USP4: variants seen among roughly 807,000 people sequenced by gnomAD.
USP4 encodes the protein ubiquitin specific peptidase 4.
A neutral mutation model predicts 118.2 loss-of-function variants in USP4; 72 were observed. The ratio of observed to expected loss-of-function variants is 0.61; its 90% CI spans 0.50 to 0.74. The LOEUF (loss-of-function observed/expected upper bound fraction) is 0.74, where lower values mean the gene tolerates loss of function less well. USP4 is among the 30% of genes least tolerant of loss of function. The pLI, the probability that USP4 is intolerant of heterozygous loss-of-function variation, is 0.00. For missense variants in USP4, 1,037 were observed against 1,185.7 expected (o/e 0.87, Z 1.84); for synonymous variants, 415 against 440.4 (o/e 0.94, Z 0.72).
intron 14 of USP4, 48 bp downstream of exon 14, chr3:49,294,359 G>A (rs760447121): frequency 4.5e-6 from 7 of 1,570,674 alleles, no homozygotes; most frequent in Non-Finnish European, 5.2e-6. Flanking sequence ...CTATTACTGG[G>A]TATATCTTCA....
chr3:49,294,414 G>A lies in USP4; in HGVS notation c.1876C>T (p.Arg626Cys), dbSNP rs61761587. 10 of 1,611,768 alleles carry A rather than the reference G, an allele frequency of 6.2e-6. No individual in the cohort carries two copies. In the African/African-American group the frequency reaches 8.0e-5, roughly 13 times the overall value. Reference sequence around the variant, plus strand: ...CACATTCCTGCCACCAACCTGATACGATCACAAACAGCCTGGTACAAAGAC... The same window carrying A: ...CACATTCCTGCCACCAACCTGATACAATCACAAACAGCCTGGTACAAAGAC... The part of the protein sequence containing the change: ...LESLYQAVCD[R>C]ISRYVKQPLP... The change falls in exon 14 of 22, where the codon CGT becomes TGT. Residue 626 changes from arginine to cysteine, a missense_variant. Around this residue, in one of 3 missense-constraint regions of USP4, gnomAD observed 522 missense variants for 592.6 expected, o/e 0.88. Coordinates refer to ENST00000265560, the MANE Select transcript of USP4 (RefSeq NM_003363.4).
chr3:49,317,506 ACT>A (rs1263997175), intron 6 of USP4: 1 of 544,144 alleles, frequency 1.8e-6, no homozygotes, highest in African/African-American at 2.4e-5. Context: ...ATGGAGTTTC[ACT>A]CTTTTTTTGT....
chr3:49,303,750 A>G (rs958142346), intron 9 of USP4, among the ~76,000 whole-genome samples: 3 of 151,776 alleles, frequency 2.0e-5, no homozygotes, highest in African/African-American at 7.3e-5. Flanking sequence ...TTGCCACCCA[A>G]TTCTTTTTTA....
intron 2 of USP4, among the ~76,000 whole-genome samples, chr3:49,331,181 G>A (rs1470686688): frequency 4.7e-5 from 7 of 150,296 alleles, no homozygotes; most frequent in Non-Finnish European, 7.4e-5. Context: ...TTAGCTGGGC[G>A]TGGTGGCGCA....
intron 2 of USP4, among the ~76,000 whole-genome samples, chr3:49,331,788 A>G (rs906660519): frequency 5.3e-5 from 8 of 152,064 alleles, no homozygotes; most frequent in South Asian, 4.1e-4. Flanking sequence ...GCTTCAAACT[A>G]AAGTCACCAT....
chr3:49,313,482 C>T (rs2047407098), intron 6 of USP4, among the ~76,000 whole-genome samples: 1 of 151,804 alleles, frequency 6.6e-6, no homozygotes, highest in African/African-American at 2.4e-5. Context: ...GGGCCGAGAT[C>T]GTGCCATTGC....
intron 6 of USP4, among the ~76,000 whole-genome samples, chr3:49,319,952 C>T (rs1449814943): frequency 6.6e-6 from 1 of 152,042 alleles, no homozygotes; most frequent in Admixed American, 6.6e-5. Flanking sequence ...AGCTCTTGCT[C>T]TGTCACCCAG....
At chr3:49,335,344 A>G in intron 2 of USP4, 125 bp downstream of exon 2, 2 of 1,346,350 alleles carry the variant, frequency 1.5e-6, no homozygotes, top group Middle Eastern at 1.8e-4. Flanking sequence ...TATAGATGCA[A>G]AATGAGGATA....
intron 9 of USP4, among the ~76,000 whole-genome samples, chr3:49,302,794 G>A (rs2047274924): frequency 1.3e-5 from 2 of 152,068 alleles, no homozygotes; most frequent in Admixed American, 1.3e-4. Flanking sequence ...AAGGAGGAAG[G>A]GTGGAGTACC....
chr3:49,306,123 TA>T (rs59471973), intron 8 of USP4, among the ~76,000 whole-genome samples: 2,575 of 151,836 alleles, frequency 0.017, 85 homozygotes, highest in African/African-American at 0.059. Context: ...ATGCATTGGC[TA>T]AGACTTTGTC....
At chr3:49,322,003 CA>C (rs910596876) in intron 6 of USP4, among the ~76,000 whole-genome samples, 2 of 151,854 alleles carry the variant, frequency 1.3e-5, no homozygotes, top group South Asian at 2.1e-4. Flanking sequence ...ATTAAAAAAA[CA>C]AAAAAACAAA....
At chr3:49,301,442 C>A (rs1490553193) in intron 10 of USP4, among the ~76,000 whole-genome samples, 1 of 152,100 alleles carries the variant, frequency 6.6e-6, no homozygotes, top group Non-Finnish European at 1.5e-5. Context: ...AATCCCAGCA[C>A]TTTGGGAGGC....
chr3:49,281,036 TGGGGCTGGGTGTG>T (rs2047018214), intron 19 of USP4, among the ~76,000 whole-genome samples, 189 bp from the exon 20 acceptor site: 1 of 151,996 alleles, frequency 6.6e-6, no homozygotes, highest in African/African-American at 2.4e-5. Flanking sequence ...GGCTAGAAAA[TGGGGCTGGGTGTG>T]GTGGCTCATG....
intron 6 of USP4, chr3:49,314,100 C>G (rs1435471778): frequency 6.6e-6 from 1 of 152,168 alleles, no homozygotes; most frequent in African/African-American, 2.4e-5. Context: ...CAGAAAATGA[C>G]TAAGAAGATG....
Position 49,283,228 on chromosome 3 carries a change from A to C in USP4, c.2540+759T>G, listed in dbSNP as rs62259895. ...ATGGGGTTTCACCATGTTGGCCAGG[A>C]TGGTCTCGATCTCCAGACCTTGTGA... On this transcript the variant is annotated intron_variant, in intron 19 of 21. Coordinates refer to ENST00000265560, the MANE Select transcript of USP4 (RefSeq NM_003363.4). 6.4e-3 allele frequency among the ~76,000 whole-genome samples: 969 copies of C among 150,896 alleles called. 20 individuals are homozygous for C. The South Asian group carries it at 0.072, about 11-fold the overall frequency.
At chr3:49,305,929 CA>C in intron 8 of USP4, 41 bp from the exon 9 acceptor site, 4 of 1,570,848 alleles carry the variant, frequency 2.5e-6, no homozygotes, top group Non-Finnish European at 3.5e-6. Flanking sequence ...ACCTTCTAGA[CA>C]GTACCAGAGA....
Position 49,278,326 on chromosome 3 carries a change from C to T in USP4, c.2859G>A (p.Gly953=). The T allele has an allele frequency of 6.2e-7, 1 of 1,614,018 alleles. No individual in the cohort carries two copies. The highest frequency in any genetic ancestry group is 8.5e-7 in the Non-Finnish European group (1 of 1,180,028). ...TGTCCATGCTGCAAGCCTCATCATCCCCAAAGCCCTGCTGAGAGCTGCTTG... is the reference window on the plus strand; with the variant it reads ...TGTCCATGCTGCAAGCCTCATCATCTCCAAAGCCCTGCTGAGAGCTGCTTG... ...TRPSSSQQGF[G]DDEACSMDTN is the part of the protein sequence containing the mutation. Residue 953 remains glycine (G), a synonymous_variant, in exon 22 of 22, where the codon GGG becomes GGA. Coordinates refer to ENST00000265560, the MANE Select transcript of USP4 (RefSeq NM_003363.4).
intron 6 of USP4, among the ~76,000 whole-genome samples, chr3:49,314,672 T>C (rs942103638): frequency 2.0e-5 from 3 of 152,198 alleles, no homozygotes; most frequent in Non-Finnish European, 4.4e-5. Context: ...ATATATAGTA[T>C]GGCACTCCTC....
At chr3:49,321,862 G>A (rs932543024) in intron 6 of USP4, among the ~76,000 whole-genome samples, 2 of 152,038 alleles carry the variant, frequency 1.3e-5, no homozygotes, top group African/African-American at 4.8e-5. Context: ...TGCATGGGTG[G>A]CATGCACCTG....
Sources: gnomAD v4.1 joint callset for allele counts (sites outside exome capture counted in the v4.1 genomes callset) on GRCh38, gnomAD v4.1.1 for gene constraint, gnomAD v4.1.1 regional missense constraint, MANE v1.5 for transcripts, NCBI Gene and HGNC (gene_info 2026-07-23, HGNC 2026-07-21) for gene names.